TMEM132C: variants seen among roughly 807,000 people sequenced by gnomAD.
The protein encoded by TMEM132C is protein phosphatase 1, regulatory subunit 152.
Under a neutral mutation model 61.4 loss-of-function variants are expected in TMEM132C, and 29 were observed. The observed-to-expected ratio is 0.47, with a 90% CI of 0.35 to 0.64. The LOEUF is 0.64. TMEM132C is among the 30% of genes least tolerant of loss of function. The pLI is 0.00. For synonymous variants in TMEM132C, 656 were observed against 633.1 expected, an observed-to-expected ratio of 1.04 and a Z score of -0.54; for missense variants, 1,408 against 1,476.9, an observed-to-expected ratio of 0.95 and a Z score of 0.76.
chr12:128,674,601 T>C (rs1012707094), intron 5 of TMEM132C, among the ~76,000 whole-genome samples: 1 of 152,222 alleles, frequency 6.6e-6, no homozygotes, highest in African/African-American at 2.4e-5. Flanking sequence ...CCTCTCCAGC[T>C]TATTGGGAAA....
chr12:128,588,765 G>T (rs1875642028), intron 3 of TMEM132C, among the ~76,000 whole-genome samples: 1 of 152,134 alleles, frequency 6.6e-6, no homozygotes, highest in Non-Finnish European at 1.5e-5. Context: ...CCAGGAGAAG[G>T]ACCCTCGTCA....
intron 4 of TMEM132C, among the ~76,000 whole-genome samples, chr12:128,666,096 C>A (rs1362459410): frequency 7.3e-6 from 1 of 136,530 alleles, no homozygotes; most frequent in Non-Finnish European, 1.6e-5. Context: ...CACACAGGCA[C>A]ACATACCCAT....
intron 2 of TMEM132C, among the ~76,000 whole-genome samples, chr12:128,478,087 T>C (rs1871208967): frequency 6.6e-6 from 1 of 152,192 alleles, no homozygotes; most frequent in African/African-American, 2.4e-5. Flanking sequence ...ATTTTTAAAG[T>C]TGCAACAGTT....
chr12:128,621,404 G>A (rs189608636), intron 4 of TMEM132C, among the ~76,000 whole-genome samples: 1 of 152,288 alleles, frequency 6.6e-6, no homozygotes, highest in Admixed American at 6.5e-5. Context: ...TGAACATGGA[G>A]GATACAAGAA....
chr12:128,437,560 T>C (rs1196225781), intron 2 of TMEM132C, among the ~76,000 whole-genome samples: 1 of 152,194 alleles, frequency 6.6e-6, no homozygotes, highest in East Asian at 1.9e-4. Flanking sequence ...AAGGGCTGTG[T>C]GCTTGTATGT....
chr12:128,515,752 G>A (rs576678274), intron 2 of TMEM132C, among the ~76,000 whole-genome samples: 68 of 152,050 alleles, frequency 4.5e-4, no homozygotes, highest in Non-Finnish European at 9.0e-4. Flanking sequence ...GGAGAATGGC[G>A]TGAACCCGGG....
intron 8 of TMEM132C, 130 bp downstream of exon 8, chr12:128,697,545 CAT>C: frequency 1.1e-6 from 1 of 951,642 alleles, no homozygotes; most frequent in African/African-American, 1.6e-5. Context: ...GAAGCCATGT[CAT>C]TGCAGACAAA....
chr12:128,406,198 A>G lies in TMEM132C; in HGVS notation c.86-8534A>G, dbSNP rs114984582. Among the ~76,000 whole-genome samples, 742 of 152,332 alleles carry G rather than the reference A, an allele frequency of 4.9e-3. 6 individuals carry two copies. The highest frequency in any genetic ancestry group is 0.017 in the African/African-American group (712 of 41,578). Reference sequence around the variant, plus strand: ...CCACACGTGAGAAGTTCTGCCTTCCAGCAAATGGTGTCTACATTTTCCCTC... The same window carrying G: ...CCACACGTGAGAAGTTCTGCCTTCCGGCAAATGGTGTCTACATTTTCCCTC... On this transcript the variant is annotated intron_variant, in intron 1 of 8. Transcript: ENST00000435159.
intron 1 of TMEM132C, among the ~76,000 whole-genome samples, chr12:128,302,313 T>C (rs924827423): frequency 7.2e-5 from 11 of 152,212 alleles, no homozygotes; most frequent in African/African-American, 2.4e-4. Flanking sequence ...GATCTTATTA[T>C]TATCTGTCTC....
At chr12:128,629,825 G>A (rs1413094018) in intron 4 of TMEM132C, among the ~76,000 whole-genome samples, 2 of 152,056 alleles carry the variant, frequency 1.3e-5, no homozygotes, top group Non-Finnish European at 2.9e-5. Context: ...AATTAGCTGG[G>A]CGTGGTGGTG....
At chr12:128,446,040 A>C (rs1379787) in intron 2 of TMEM132C, among the ~76,000 whole-genome samples, 12,121 of 152,298 alleles carry the variant, frequency 0.08, 561 homozygotes, top group Middle Eastern at 0.11. Flanking sequence ...CTATGAAAAA[A>C]GAAAAGCAAC....
Position 128,535,820 on chromosome 12 carries a change from A to G in TMEM132C, c.975-8137A>G, listed in dbSNP as rs563399159. On this transcript the variant is annotated intron_variant, in intron 2 of 8. Transcript: ENST00000435159. ...GAGGCAGAGCTTGCAGTGAACCGAG[A>G]TCACGCCACTGCACTCCAGCCTGGG... is the stretch of plus-strand genomic sequence containing the variant. Among the ~76,000 whole-genome samples, 27 of 152,104 alleles carry G rather than the reference A, an allele frequency of 1.8e-4. No homozygotes were observed. In the East Asian group the frequency reaches 5.0e-3, roughly 28 times the overall value.
At chr12:128,367,068 G>A (rs1873893603) in intron 1 of TMEM132C, among the ~76,000 whole-genome samples, 1 of 152,226 alleles carries the variant, frequency 6.6e-6, no homozygotes, top group South Asian at 2.1e-4. Flanking sequence ...CCAGACTTGG[G>A]AAGAGCATTC....
chr12:128,387,140 C>CAAAAAAAA (rs34160455), intron 1 of TMEM132C, among the ~76,000 whole-genome samples: 1 of 85,622 alleles, frequency 1.2e-5, no homozygotes, highest in Non-Finnish European at 2.2e-5. Context: ...GACTCTGCCT[C>CAAAAAAAA]AAAAAAAAAA....
intron 2 of TMEM132C, among the ~76,000 whole-genome samples, chr12:128,517,643 AC>A (rs946266847): frequency 2.6e-5 from 4 of 152,250 alleles, no homozygotes; most frequent in African/African-American, 9.6e-5. Context: ...TGTTCACTGT[AC>A]AGTTTTAACT....
At position 128,564,173 on chromosome 12, in the gene TMEM132C, T is replaced by C. The variant is rs377316587; in HGVS notation, c.1121+20070T>C. On this transcript the variant is annotated intron_variant, in intron 3 of 8. Coordinates refer to ENST00000435159, the MANE Select transcript of TMEM132C (RefSeq NM_001136103.3). ...TCTCCTCATAAGGACGTGAGTCCTA[T>C]TGTGGAGGCTCTATGCTCAAGATCT... Among the ~76,000 whole-genome samples the C allele has an allele frequency of 6.6e-5, 10 of 152,294 alleles. No individual in the cohort carries two copies. In the East Asian group the frequency reaches 1.9e-3, roughly 29 times the overall value.
intron 2 of TMEM132C, among the ~76,000 whole-genome samples, chr12:128,528,932 G>A (rs1357534175): frequency 3.3e-5 from 5 of 152,182 alleles, no homozygotes; most frequent in Non-Finnish European, 5.9e-5. Context: ...TGTCAACTGC[G>A]GGACTCAGCG....
chr12:128,430,326 G>A (rs1869341312), intron 2 of TMEM132C, among the ~76,000 whole-genome samples: 1 of 152,176 alleles, frequency 6.6e-6, no homozygotes. Context: ...TGAAACTGTT[G>A]TTCTAGAAAA....
Position 128,667,569 on chromosome 12 carries a change from C to T in TMEM132C, c.1306-1848C>T, listed in dbSNP as rs76482373. Among the ~76,000 whole-genome samples the T allele has an allele frequency of 6.7e-3, 1,022 of 152,272 alleles. 9 individuals carry two copies. Among genetic ancestry groups the T allele is most frequent in the African/African-American group, 0.023 (939 of 41,526 alleles). On this transcript the variant is annotated intron_variant, in intron 4 of 8. Transcript: ENST00000435159. ...TTAAAACTCATAACTCTTTTAGCTG[C>T]GCCCTTGTTTAATGCAAAAGGTCAT...
Sources: gnomAD v4.1 joint callset for allele counts (sites outside exome capture counted in the v4.1 genomes callset) on GRCh38, gnomAD v4.1.1 for gene constraint, MANE v1.5 for transcripts, NCBI Gene and HGNC (gene_info 2026-07-23, HGNC 2026-07-21) for gene names.